Variants in TLK2 observed in about 807,000 individuals in gnomAD.
TLK2 encodes serine/threonine-protein kinase tousled-like 2.
In TLK2, 6 loss-of-function variants were observed where a neutral mutation model predicts 117.3. That is an observed-to-expected ratio of 0.05 (90% CI 0.03 to 0.10). TLK2 has a LOEUF of 0.10. TLK2 is among the 10% of genes least tolerant of loss of function. TLK2 has a pLI of 1.00. For synonymous variants in TLK2, 257 were observed against 316.7 expected (o/e 0.81, Z 2.00); for missense variants, 299 against 901.2 (o/e 0.33, Z 8.56).
At chr17:62,477,369 C>T (rs2071084305), upstream of TLK2, 1 of 152,312 alleles carries the variant, frequency 6.6e-6, no homozygotes, top group East Asian at 1.9e-4. Flanking sequence ...CCCAAGCAGT[C>T]TGGGATCTGG....
chr17:62,551,816 G>C (rs1297597134), intron 7 of TLK2: 1 of 166,088 alleles, frequency 6.0e-6, no homozygotes, highest in Non-Finnish European at 1.3e-5. Context: ...AGAATGCCCA[G>C]TCAGCAAGTG....
intron 12 of TLK2, chr17:62,574,360 T>C: frequency 6.4e-7 from 1 of 1,550,586 alleles, no homozygotes; most frequent in Non-Finnish European, 8.7e-7. Flanking sequence ...CTTCTGGGAA[T>C]ACAGAGCTAA....
At chr17:62,597,840 T>C (rs559504003) in intron 17 of TLK2, among the ~76,000 whole-genome samples, 5 of 152,310 alleles carry the variant, frequency 3.3e-5, no homozygotes, top group African/African-American at 1.2e-4. Flanking sequence ...TATCCAGCAG[T>C]TTAGCTGGAT....
At chr17:62,486,203 C>T (rs1338167726) in intron 2 of TLK2, among the ~76,000 whole-genome samples, 1 of 152,020 alleles carries the variant, frequency 6.6e-6, no homozygotes, top group Non-Finnish European at 1.5e-5. Flanking sequence ...GTCACCTGGG[C>T]TAGAGTGCAG....
chr17:62,557,626 C>A (rs184361954), intron 9 of TLK2, among the ~76,000 whole-genome samples: 70 of 152,166 alleles, frequency 4.6e-4, no homozygotes, highest in Admixed American at 1.0e-3. Context: ...GAATTGCCAT[C>A]GAAGATTTAT....
intron 2 of TLK2, among the ~76,000 whole-genome samples, chr17:62,498,825 T>G (rs1302911892): frequency 1.3e-5 from 2 of 152,264 alleles, no homozygotes; most frequent in Non-Finnish European, 1.5e-5. Context: ...GGAGCAAAAG[T>G]TAAAAGGTCT....
At chr17:62,601,293 GGCAGCTAGAGTCCTTACCTCT>G (rs2082857253) in intron 18 of TLK2, among the ~76,000 whole-genome samples, 2 of 152,070 alleles carry the variant, frequency 1.3e-5, no homozygotes, top group Non-Finnish European at 2.9e-5. Flanking sequence ...AAGAGTACAG[GGCAGCTAGAGTCCTTACCTCT>G]ATTTTTTATT....
At chr17:62,611,907 T>TCACG (rs2083807194) in intron 21 of TLK2, 1 of 152,338 alleles carries the variant, frequency 6.6e-6, no homozygotes, top group East Asian at 1.9e-4. Flanking sequence ...AGGGAAATAA[T>TCACG]TTTATAACCT....
intron 12 of TLK2, among the ~76,000 whole-genome samples, chr17:62,575,608 A>G (rs2080721462): frequency 6.6e-6 from 1 of 152,206 alleles, no homozygotes; most frequent in African/African-American, 2.4e-5. Flanking sequence ...CGAAGAAGGT[A>G]GAGATGGAAG....
intron 15 of TLK2, 113 bp from the exon 16 acceptor site, chr17:62,586,022 T>G (rs2081582642): frequency 1.4e-6 from 1 of 728,992 alleles, no homozygotes; most frequent in African/African-American, 1.8e-5. Flanking sequence ...ATGTGATGTA[T>G]TTAATAATGT....
chr17:62,579,046 G>T (rs2081023604), intron 14 of TLK2, among the ~76,000 whole-genome samples: 1 of 152,140 alleles, frequency 6.6e-6, no homozygotes, highest in African/African-American at 2.4e-5. Context: ...AATTGTAGAT[G>T]AATTGAAACT....
intron 15 of TLK2, among the ~76,000 whole-genome samples, chr17:62,584,410 C>T (rs150279518): frequency 8.5e-5 from 13 of 152,052 alleles, no homozygotes; most frequent in East Asian, 1.9e-4. Context: ...CCATCGCGCC[C>T]GGCTTATTTA....
At chr17:62,584,109 T>G (rs376873310) in intron 15 of TLK2, among the ~76,000 whole-genome samples, 2 of 17,716 alleles carry the variant, frequency 1.1e-4, no homozygotes, top group African/African-American at 5.7e-4. Flanking sequence ...CTTTTGTGGT[T>G]TTTTTTTTTT....
intron 14 of TLK2, 56 bp from the exon 15 acceptor site, chr17:62,580,055 G>A: frequency 6.9e-7 from 1 of 1,446,518 alleles, no homozygotes. Flanking sequence ...AATTTTGCAA[G>A]CGTGGAAGAC....
chr17:62,540,878 A>G (rs1214441279), intron 7 of TLK2, among the ~76,000 whole-genome samples: 1 of 152,112 alleles, frequency 6.6e-6, no homozygotes, highest in African/African-American at 2.4e-5. Flanking sequence ...CCCCTGTCGA[A>G]AAGTCCTTAA....
intron 21 of TLK2, chr17:62,612,084 T>C (rs1424391969): frequency 1.0e-5 from 2 of 199,462 alleles, no homozygotes; most frequent in African/African-American, 4.6e-5. Flanking sequence ...ATTTTTTTTT[T>C]TTCTGTTGGT....
At position 62,506,115 on chromosome 17, in the gene TLK2, CAT is replaced by C. The variant is rs567496141; in HGVS notation, c.82-14655_82-14654del. Among the ~76,000 whole-genome samples the C allele has an allele frequency of 9.7e-3, 1,484 of 152,296 alleles. 11 individuals carry two copies. Among genetic ancestry groups the C allele is most frequent in the Non-Finnish European group, 0.015 (1,007 of 68,016 alleles). ...AAGTAACAGTTATCTAGCTGAGAGT[CAT>C]ATGTGGGTTATACCAAATGTACTGC... On this transcript the variant is annotated intron_variant, in intron 2 of 21. Coordinates refer to ENST00000346027, the MANE Select transcript of TLK2 (RefSeq NM_006852.6).
intron 9 of TLK2, among the ~76,000 whole-genome samples, chr17:62,555,847 C>T (rs776450843): frequency 1.3e-5 from 2 of 152,154 alleles, no homozygotes; most frequent in Admixed American, 6.6e-5. Context: ...AGTGCAGTGG[C>T]GCAGTCTTGC....
chr17:62,577,165 T>A (rs1052781826), intron 13 of TLK2, among the ~76,000 whole-genome samples: 1 of 151,924 alleles, frequency 6.6e-6, no homozygotes, highest in Non-Finnish European at 1.5e-5. Context: ...GGTCTCACCA[T>A]TAGGCTGGTC....
Sources: allele counts gnomAD v4.1 joint callset (sites outside exome capture counted in the v4.1 genomes callset), GRCh38; gene constraint gnomAD v4.1.1; transcripts MANE v1.5; gene names NCBI Gene and HGNC (gene_info 2026-07-23, HGNC 2026-07-21).